The following FCHO2 variants were observed in gnomAD, a reference collection of about 807,000 sequenced individuals.
FCHO2 encodes the protein F-BAR domain only protein 2.
In FCHO2, 43 loss-of-function variants were observed where a neutral mutation model predicts 114.1. The observed-to-expected ratio is 0.38, with a 90% confidence interval of 0.30 to 0.49. The LOEUF is 0.49. FCHO2 is among the 20% of genes least tolerant of loss of function. FCHO2 has a pLI of 0.97. For missense variants in FCHO2, 807 were observed against 950.4 expected, an observed-to-expected ratio of 0.85 and a Z score of 1.98; for synonymous variants, 293 against 315.2, an observed-to-expected ratio of 0.93 and a Z score of 0.75.
At position 73,004,047 on chromosome 5, in the gene FCHO2, CAAAAAAA is replaced by C. The variant is rs34849736; in HGVS notation, c.496-2378_496-2372del. Among the ~76,000 whole-genome samples, 129 of 26,492 alleles carry C rather than the reference CAAAAAAA, an allele frequency of 4.9e-3. 1 individual carries two copies. The highest frequency in any genetic ancestry group is 0.021 in the Admixed American group (44 of 2,132). The allele number at this position is 26,492 out of a possible 152,430, so 17.4% of individuals were successfully genotyped here. On this transcript the variant is annotated intron_variant, in intron 5 of 25. Transcript: ENST00000430046. Reference sequence around the variant, plus strand: ...TGGGCCACAGAGTGAGACTCCATCTCAAAAAAAAAAAAAAAAAAAAAAAAAATTCACT... The same window carrying C: ...TGGGCCACAGAGTGAGACTCCATCTCAAAAAAAAAAAAAAAAAAATTCACT...
intron 2 of FCHO2, among the ~76,000 whole-genome samples, chr5:72,982,876 A>G (rs1753293566): frequency 8.1e-6 from 1 of 123,528 alleles, no homozygotes; most frequent in Non-Finnish European, 1.6e-5. Context: ...TTCCAGTACC[A>G]TTTATTGAAA....
chr5:73,017,617 G>T (rs962776709), intron 8 of FCHO2, among the ~76,000 whole-genome samples: 5 of 152,048 alleles, frequency 3.3e-5, no homozygotes, highest in Non-Finnish European at 7.4e-5. Context: ...TACTAAATCT[G>T]TCACAGTTTT....
chr5:73,020,390 C>T (rs1384048584), intron 8 of FCHO2, among the ~76,000 whole-genome samples: 5 of 152,156 alleles, frequency 3.3e-5, no homozygotes, highest in South Asian at 2.1e-4. Flanking sequence ...GGCATGATTC[C>T]GTCTCTCACT....
chr5:73,068,809 A>C (rs779153261), intron 19 of FCHO2, 30 bp downstream of exon 19: 1 of 1,606,948 alleles, frequency 6.2e-7, no homozygotes, highest in Non-Finnish European at 8.5e-7. Context: ...TACATGTGAA[A>C]TGTAGTGTAC....
In FCHO2 at chr5:72,966,329, T is replaced by G. The variant is rs139246555; in HGVS notation, c.34-2169T>G. ...GAAGTTTCAAACCCTTATCTTTTTG[T>G]TTTTTTAGAGACAGGTTCTCACTTT... On this transcript the variant is annotated intron_variant, in intron 1 of 25. Transcript: ENST00000430046. 3.6e-3 allele frequency among the ~76,000 whole-genome samples: 542 copies of G among 152,322 alleles called. 5 individuals carry two copies. The highest frequency in any genetic ancestry group is 0.013 in the African/African-American group (527 of 41,564).
intron 18 of FCHO2, among the ~76,000 whole-genome samples, chr5:73,067,269 G>A (rs2112871315): frequency 6.6e-6 from 1 of 152,140 alleles, no homozygotes; most frequent in African/African-American, 2.4e-5. Flanking sequence ...AGGTTATGTT[G>A]CCATAGGAGA....
intron 2 of FCHO2, among the ~76,000 whole-genome samples, chr5:72,969,036 ATTG>A (rs1752363235): frequency 6.6e-6 from 1 of 152,182 alleles, no homozygotes; most frequent in Non-Finnish European, 1.5e-5. Flanking sequence ...ATAAAATGTG[ATTG>A]TTGTTAAGAC....
intron 2 of FCHO2, among the ~76,000 whole-genome samples, chr5:72,981,630 G>T (rs1441908982): frequency 6.6e-6 from 1 of 152,142 alleles, no homozygotes; most frequent in Non-Finnish European, 1.5e-5. Context: ...TTTCTTGGAG[G>T]CTTTGTTTGT....
rs114045503 is a variant in FCHO2 at position 73,050,617 on chromosome 5, C to T, written c.940-732C>T. ...CAGGCGTGAGCCACTGCACCGGGCCCGCTTTCTGTGTTTTTATTGGCAAGA... is the reference window on the plus strand; with the variant it reads ...CAGGCGTGAGCCACTGCACCGGGCCTGCTTTCTGTGTTTTTATTGGCAAGA... On this transcript the variant is annotated intron_variant, in intron 11 of 25. Transcript: ENST00000430046. 3.6e-3 allele frequency among the ~76,000 whole-genome samples: 541 copies of T among 152,128 alleles called. 5 individuals are homozygous for T. The highest frequency in any genetic ancestry group is 0.013 in the African/African-American group (525 of 41,520).
intron 11 of FCHO2, among the ~76,000 whole-genome samples, chr5:73,047,031 G>A (rs1473228923): frequency 2.0e-5 from 3 of 152,286 alleles, no homozygotes; most frequent in African/African-American, 7.2e-5. Flanking sequence ...TTCCTTGGCA[G>A]CCTTTTCTTT....
chr5:73,077,236 G>A (rs939528179), intron 20 of FCHO2, 102 bp from the exon 21 acceptor site: 25 of 901,750 alleles, frequency 2.8e-5, no homozygotes, highest in Non-Finnish European at 3.6e-5. Flanking sequence ...ATATAGGTGC[G>A]TGTGTGTGTG....
Position 72,956,062 on chromosome 5 carries a change from G to C in FCHO2, c.-35G>C. The C allele has an allele frequency of 6.5e-7, 1 of 1,539,460 alleles. No homozygotes were observed. Among genetic ancestry groups the C allele is most frequent in the Non-Finnish European group, 8.8e-7 (1 of 1,142,126 alleles). ...GGCCGTGTTTACACAGCGGCGGGCG[G>C]GCGCGGACGCGGAACCCGGCGCGGC... is the stretch of plus-strand genomic sequence containing the variant. On this transcript the variant is annotated 5_prime_UTR_variant, in exon 1 of 26. Transcript: ENST00000430046.
Position 72,995,932 on chromosome 5 carries a change from A to G in FCHO2, c.495+5068A>G, listed in dbSNP as rs115768497. On this transcript the variant is annotated intron_variant, in intron 5 of 25. Coordinates refer to ENST00000430046, the MANE Select transcript of FCHO2 (RefSeq NM_138782.3). Reference sequence around the variant, plus strand: ...TAGCAGCTCCTCTAATCATAGATCAATTGTCAAATTGAAAAAAAAAATCCT... The same window carrying G: ...TAGCAGCTCCTCTAATCATAGATCAGTTGTCAAATTGAAAAAAAAAATCCT... 4.5e-3 allele frequency among the ~76,000 whole-genome samples: 685 copies of G among 152,030 alleles called. 4 individuals carry two copies. Among genetic ancestry groups the G allele is most frequent in the African/African-American group, 0.016 (649 of 41,456 alleles).
chr5:73,068,353 C>G (rs1389667285), intron 18 of FCHO2, among the ~76,000 whole-genome samples: 1 of 151,972 alleles, frequency 6.6e-6, no homozygotes, highest in African/African-American at 2.4e-5. Context: ...TTGGGAAGAA[C>G]GTTTATACTG....
chr5:72,972,425 T>G (rs542371060), intron 2 of FCHO2, among the ~76,000 whole-genome samples: 4 of 152,294 alleles, frequency 2.6e-5, no homozygotes, highest in Non-Finnish European at 5.9e-5. Flanking sequence ...CCATCCCTTG[T>G]AAGTTGGATT....
chr5:73,054,332 C>T (rs1036469162), intron 14 of FCHO2, among the ~76,000 whole-genome samples, 161 bp downstream of exon 14: 1 of 152,062 alleles, frequency 6.6e-6, no homozygotes, highest in Non-Finnish European at 1.5e-5. Flanking sequence ...GGTGTTAAAA[C>T]TACATGTATT....
intron 16 of FCHO2, among the ~76,000 whole-genome samples, chr5:73,057,857 A>T (rs975891841): frequency 6.6e-6 from 1 of 152,158 alleles, no homozygotes; most frequent in Non-Finnish European, 1.5e-5. Flanking sequence ...GTTGAATCTA[A>T]CAAGGCATGA....
intron 22 of FCHO2, among the ~76,000 whole-genome samples, chr5:73,079,762 AAC>A (rs1307766707): frequency 6.6e-6 from 1 of 152,208 alleles, no homozygotes; most frequent in African/African-American, 2.4e-5. Context: ...CTCATGTATA[AAC>A]AGAGGGCCAA....
intron 11 of FCHO2, among the ~76,000 whole-genome samples, chr5:73,049,832 TTG>T (rs760914774): frequency 2.0e-5 from 3 of 151,926 alleles, no homozygotes; most frequent in Admixed American, 6.6e-5. Context: ...TCTAAACAAA[TTG>T]TGTGTGTGTG....
Sources: allele counts gnomAD v4.1 joint callset (sites outside exome capture counted in the v4.1 genomes callset), GRCh38; gene constraint gnomAD v4.1.1; transcripts MANE v1.5; gene names NCBI Gene and HGNC (gene_info 2026-07-23, HGNC 2026-07-21).